ZGRF1: variants seen among roughly 807,000 people sequenced by gnomAD.
ZGRF1 encodes the protein zinc finger GRF-type containing 1.
ZGRF1 carries 196 observed loss-of-function variants against 203.5 expected under a neutral mutation model. That is an observed-to-expected ratio of 0.96 (90% CI 0.86 to 1.08). The LOEUF is 1.08. Ranked by LOEUF, ZGRF1 falls within the 50% of genes least tolerant of loss-of-function variation. ZGRF1 has a pLI of 0.00. For synonymous variants in ZGRF1, 809 were observed against 841.3 expected (o/e 0.96, Z 0.66); for missense variants, 2,326 against 2,416.3 (o/e 0.96, Z 0.78).
intron 22 of ZGRF1, among the ~76,000 whole-genome samples, chr4:112,550,840 T>G (rs2148849674): frequency 6.6e-6 from 1 of 152,226 alleles, no homozygotes; most frequent in East Asian, 1.9e-4. Flanking sequence ...CAGAGCAAGA[T>G]TCTATCTCAA....
chr4:112,613,013 G>A (rs1200491868), intron 6 of ZGRF1, among the ~76,000 whole-genome samples: 1 of 152,222 alleles, frequency 6.6e-6, no homozygotes, highest in Non-Finnish European at 1.5e-5. Context: ...GAAAAACAGA[G>A]TCGGGCATGG....
intron 22 of ZGRF1, among the ~76,000 whole-genome samples, chr4:112,552,413 C>A (rs780584219): frequency 7.9e-5 from 12 of 152,014 alleles, no homozygotes; most frequent in Non-Finnish European, 1.3e-4. Flanking sequence ...TACAAATGAG[C>A]AATAGATCAT....
chr4:112,617,916 G>C lies in ZGRF1; in HGVS notation c.2126C>G (p.Ala709Gly). ...TCCCAAAATAAAAGGCTGAGGTTGA[G>C]CATCTTCTGAAAATAGATTACTGTT... ...AENSNLFSED[A>G]QPQPFILGSD... The change falls in exon 6 of 28, where the codon GCT (alanine) becomes GGT (glycine). Residue 709 changes from alanine to glycine, a missense_variant. Physicochemically the swap from Ala to Gly is moderately conservative, Grantham distance 60. Transcript: ENST00000505019. 1 of 1,613,618 alleles carries C rather than the reference G, an allele frequency of 6.2e-7. No individual in the cohort carries two copies.
intron 11 of ZGRF1, 138 bp downstream of exon 11, chr4:112,589,586 G>C (rs1475164431): frequency 4.1e-6 from 3 of 729,826 alleles, no homozygotes; most frequent in Non-Finnish European, 6.9e-6. Context: ...AAGTTCAAAG[G>C]AAGAAAGGTT....
chr4:112,559,923 A>T (rs1741639158), intron 19 of ZGRF1, among the ~76,000 whole-genome samples: 1 of 152,176 alleles, frequency 6.6e-6, no homozygotes, highest in Non-Finnish European at 1.5e-5. Flanking sequence ...AATATGAAAG[A>T]TGGATAGAAG....
intron 19 of ZGRF1, among the ~76,000 whole-genome samples, chr4:112,559,416 C>A (rs749260333): frequency 4.6e-5 from 7 of 152,056 alleles, no homozygotes; most frequent in Non-Finnish European, 1.0e-4. Flanking sequence ...CCCAGGCTGA[C>A]CTTGAACTCC....
In ZGRF1 at chr4:112,553,820, G is replaced by A. The variant is rs1305747311; in HGVS notation, c.5346+15C>T. 6.3e-7 allele frequency: 1 copy of A among 1,584,630 alleles called. No individual in the cohort carries two copies. Among genetic ancestry groups the A allele is most frequent in the Admixed American group, 2.0e-5 (1 of 50,910 alleles). ...TATATAAATCAAGAAACAAATTGAA[G>A]CTACTACTTCTTACCTGCTTCAGCA... is the stretch of plus-strand genomic sequence containing the variant. On this transcript the variant is annotated intron_variant, in intron 22 of 27. Coordinates refer to ENST00000505019, the MANE Select transcript of ZGRF1 (RefSeq NM_018392.5).
Position 112,587,676 on chromosome 4 carries a change from A to C in ZGRF1, c.3381T>G (p.Ser1127=), listed in dbSNP as rs752514026. 6.2e-7 allele frequency: 1 copy of C among 1,612,512 alleles called. No homozygotes were observed. Among genetic ancestry groups the C allele is most frequent in the Non-Finnish European group, 8.5e-7 (1 of 1,179,108 alleles). ...AAACATCCCCTGGATTCACTTCCCT[A>C]GATTCTTCAGAGAAAAAGGTTTCAT... ...DQNETFFSEE[S]REVNPGDVSL... The change falls in exon 12 of 28, where the codon TCT becomes TCG. Residue 1127 remains serine, a synonymous_variant. Coordinates refer to ENST00000505019, the MANE Select transcript of ZGRF1 (RefSeq NM_018392.5).
intron 3 of ZGRF1, chr4:112,628,525 A>G: frequency 2.2e-6 from 1 of 452,120 alleles, no homozygotes; most frequent in South Asian, 1.6e-5. Context: ...GAATTTAGAT[A>G]GAGAAAAGGC....
chr4:112,619,807 T>A, intron 5 of ZGRF1, 117 bp from the exon 6 acceptor site: 1 of 974,452 alleles, frequency 1.0e-6, no homozygotes, highest in Non-Finnish European at 1.5e-6. Context: ...GGTAAAGTAA[T>A]AATTCAGATT....
At chr4:112,612,220 C>G (rs2046708924) in intron 7 of ZGRF1, among the ~76,000 whole-genome samples, 2 of 152,144 alleles carry the variant, frequency 1.3e-5, no homozygotes. Context: ...CCTGCCTCAG[C>G]CTCCCAAAGT....
intron 3 of ZGRF1, among the ~76,000 whole-genome samples, chr4:112,626,343 G>A (rs776964975): frequency 1.3e-5 from 2 of 152,130 alleles, no homozygotes; most frequent in Non-Finnish European, 2.9e-5. Flanking sequence ...ATATAAATCA[G>A]ATCATGTTAT....
chr4:112,587,759 G>A lies in ZGRF1; in HGVS notation c.3298C>T (p.Leu1100Phe). Residue 1100 changes from leucine to phenylalanine, a missense_variant, in exon 12 of 28, where the codon CTC (leucine) becomes TTC (phenylalanine). Leu to Phe is a conservative substitution (Grantham distance 22). Transcript: ENST00000505019. Reference protein sequence around the residue: ...NTYESSGSPMLNLCEKSAVLS... With the variant: ...NTYESSGSPMFNLCEKSAVLS... ...ACTGCTGACTTTTCACACAAATTGA[G>A]CATGGGGGAGCCAGAAGACTCGTAT... 7.7e-6 allele frequency: 12 copies of A among 1,556,328 alleles called. No individual in the cohort carries two copies. Among genetic ancestry groups the A allele is most frequent in the Non-Finnish European group, 8.7e-6 (10 of 1,149,224 alleles).
At position 112,555,760 on chromosome 4, in the gene ZGRF1, A is replaced by G. The variant is rs759694563; in HGVS notation, c.5121-978T>C. ...AAGCACACAATGAGAAGGTTATTTC[A>G]GTGTGAAGAAATGTACGAAACCAGA... is the stretch of plus-strand genomic sequence containing the variant. On this transcript the variant is annotated intron_variant, in intron 20 of 27. Coordinates refer to ENST00000505019, the MANE Select transcript of ZGRF1 (RefSeq NM_018392.5). 8.5e-5 allele frequency among the ~76,000 whole-genome samples: 13 copies of G among 152,208 alleles called. 1 individual carries two copies. Among genetic ancestry groups the G allele is most frequent in the African/African-American group, 2.9e-4 (12 of 41,450 alleles).
At chr4:112,563,529 A>C (rs1215552075) in intron 16 of ZGRF1, among the ~76,000 whole-genome samples, 1 of 152,154 alleles carries the variant, frequency 6.6e-6, no homozygotes, top group Non-Finnish European at 1.5e-5. Context: ...AAAAAGACTA[A>C]AGAGATGGCA....
Position 112,603,540 on chromosome 4 carries a change from T to G in ZGRF1, c.2960A>C (p.Gln987Pro). 3 of 1,601,678 alleles carry G rather than the reference T, an allele frequency of 1.9e-6. No homozygotes were observed. Among genetic ancestry groups the G allele is most frequent in the Non-Finnish European group, 2.6e-6 (3 of 1,174,070 alleles). Residue 987 changes from glutamine (Q) to proline (P), a missense_variant, in exon 10 of 28, where the codon CAG becomes CCG. Gln to Pro is a moderately conservative substitution (Grantham distance 76). Transcript: ENST00000505019. ...TATTTTTACCTGCAAGAAGTCAATC[T>G]GCATACACGTGCTAGGTAACTCTGG... Reference protein sequence around the residue: ...ETPELPSTCMQIDFLQVTSPE... With the variant: ...ETPELPSTCMPIDFLQVTSPE...
chr4:112,541,143 T>C lies in ZGRF1; in HGVS notation c.5724A>G (p.Leu1908=), dbSNP rs753831580. The C allele has an allele frequency of 3.1e-6, 5 of 1,609,232 alleles. No homozygotes were observed. Among genetic ancestry groups the C allele is most frequent in the Non-Finnish European group, 4.2e-6 (5 of 1,177,476 alleles). The change falls in exon 25 of 28, where the codon TTA becomes TTG. Residue 1908 remains leucine, a synonymous_variant. Coordinates refer to ENST00000505019, the MANE Select transcript of ZGRF1 (RefSeq NM_018392.5). ...AACACAGGGTTGGTAGCCATTCCAA[T>C]AAAGGGCTCCGCTCTATTTCTGTTA... ...NGVTEIERSP[L]LEWLPTLCFY...
intron 7 of ZGRF1, among the ~76,000 whole-genome samples, chr4:112,609,816 A>G (rs1328395996): frequency 6.6e-6 from 1 of 151,630 alleles, no homozygotes; most frequent in Admixed American, 6.6e-5. Flanking sequence ...AGAAAAAAAA[A>G]AAAGAAATAC....
intron 16 of ZGRF1, chr4:112,565,507 CAA>C (rs1021446218): frequency 1.9e-5 from 12 of 616,880 alleles, no homozygotes; most frequent in Admixed American, 1.5e-4. Flanking sequence ...TCCATGGGGT[CAA>C]AAAAAGAGCT....
Sources: allele counts gnomAD v4.1 joint callset (sites outside exome capture counted in the v4.1 genomes callset), GRCh38; gene constraint gnomAD v4.1.1; transcripts MANE v1.5; gene names NCBI Gene and HGNC (gene_info 2026-07-23, HGNC 2026-07-21).